The following KCNIP4 variants were observed in gnomAD, a reference collection of about 807,000 sequenced individuals.
KCNIP4 encodes potassium voltage-gated channel interacting protein 4, also known as Kv channel-interacting protein 4.
KCNIP4 carries 12 observed loss-of-function variants against 34.0 expected under a neutral mutation model. That is an observed-to-expected ratio of 0.35 (90% CI 0.23 to 0.57). The LOEUF is 0.57. Ranked by LOEUF, KCNIP4 falls within the 20% of genes least tolerant of loss-of-function variation. The probability of loss-of-function intolerance (pLI) is 0.83; values close to 1 mark genes in which losing one functional copy is unlikely to be tolerated. For missense variants in KCNIP4, 238 were observed against 311.7 expected, an observed-to-expected ratio of 0.76 and a Z score of 1.78; for synonymous variants, 124 against 102.2, an observed-to-expected ratio of 1.21 and a Z score of -1.29.
At chr4:21,563,840 G>A (rs1281028239) in intron 1 of KCNIP4, among the ~76,000 whole-genome samples, 1 of 152,058 alleles carries the variant, frequency 6.6e-6, no homozygotes, top group African/African-American at 2.4e-5. Flanking sequence ...TTAAGTAGGG[G>A]AGGAGATAAT....
intron 1 of KCNIP4, among the ~76,000 whole-genome samples, chr4:21,903,158 C>G (rs1727801001): frequency 6.6e-6 from 1 of 152,088 alleles, no homozygotes; most frequent in South Asian, 2.1e-4. Flanking sequence ...GTGTCTACAA[C>G]ATGTACAGTA....
chr4:21,086,460 G>T (rs562146875), intron 1 of KCNIP4, among the ~76,000 whole-genome samples: 54 of 152,238 alleles, frequency 3.5e-4, no homozygotes, highest in African/African-American at 1.3e-3. Context: ...AAATGTAATT[G>T]CTCCAACAGT....
At chr4:20,989,839 T>G (rs948315468) in intron 1 of KCNIP4, among the ~76,000 whole-genome samples, 2 of 152,056 alleles carry the variant, frequency 1.3e-5, no homozygotes, top group Non-Finnish European at 2.9e-5. Context: ...CATGGTGACA[T>G]GGGCCTGTAG....
chr4:21,282,929 C>T (rs1382872806), intron 1 of KCNIP4, among the ~76,000 whole-genome samples: 7 of 152,152 alleles, frequency 4.6e-5, no homozygotes, highest in African/African-American at 7.2e-5. Flanking sequence ...AAAGTGAGAA[C>T]ACCCAAATCT....
intron 1 of KCNIP4, among the ~76,000 whole-genome samples, chr4:21,462,585 C>T (rs2109779406): frequency 6.6e-6 from 1 of 152,192 alleles, no homozygotes; most frequent in South Asian, 2.1e-4. Context: ...CCCATGGTAG[C>T]CACTATTCAA....
chr4:21,454,910 G>A (rs931868468), intron 1 of KCNIP4, among the ~76,000 whole-genome samples: 3 of 151,956 alleles, frequency 2.0e-5, no homozygotes, highest in Non-Finnish European at 2.9e-5. Context: ...GACAATCCTC[G>A]AGTAGGGCAG....
Position 21,579,267 on chromosome 4 carries a change from T to C in KCNIP4, c.61+369304A>G, listed in dbSNP as rs1384003355. Among the ~76,000 whole-genome samples, 3 of 152,134 alleles carry C rather than the reference T, an allele frequency of 2.0e-5. No individual in the cohort carries two copies. In the South Asian group the frequency reaches 6.2e-4, roughly 31 times the overall value. On this transcript the variant is annotated intron_variant, in intron 1 of 8. Transcript: ENST00000382152. ...AAAAACACACTTAAAGCCACAGTAC[T>C]GTTTGAATAGAACACAAGTACAAGA...
chr4:20,851,012 T>C (rs953252275), intron 2 of KCNIP4, among the ~76,000 whole-genome samples: 1 of 134,404 alleles, frequency 7.4e-6, no homozygotes. Context: ...TATTACTCTA[T>C]AAATCTAACA....
intron 1 of KCNIP4, among the ~76,000 whole-genome samples, chr4:21,925,614 C>G (rs182586206): frequency 6.6e-6 from 1 of 152,134 alleles, no homozygotes; most frequent in Non-Finnish European, 1.5e-5. Flanking sequence ...CTTTTCCCCC[C>G]ACCCTCTATT....
chr4:21,538,292 C>A (rs1047073069), intron 1 of KCNIP4, among the ~76,000 whole-genome samples: 2 of 152,096 alleles, frequency 1.3e-5, no homozygotes, highest in African/African-American at 4.8e-5. Flanking sequence ...TTAAACCACA[C>A]AGTTTGTGAT....
In KCNIP4 at chr4:20,866,382, C is replaced by T. The variant is rs185372027; in HGVS notation, c.164-15715G>A. Among the ~76,000 whole-genome samples the T allele has an allele frequency of 7.4e-3, 1,126 of 152,112 alleles. 11 individuals are homozygous for T. The highest frequency in any genetic ancestry group is 0.026 in the African/African-American group (1,083 of 41,510). On this transcript the variant is annotated intron_variant, in intron 2 of 8. Transcript: ENST00000382152. ...GCAAATCAATAAATGTGATTCACTA[C>T]GTAAACAGAATCAAAAGCTGGAACA... is the stretch of plus-strand genomic sequence containing the variant.
intron 1 of KCNIP4, among the ~76,000 whole-genome samples, chr4:21,586,755 A>G (rs1406323720): frequency 6.6e-6 from 1 of 152,074 alleles, no homozygotes; most frequent in East Asian, 1.9e-4. Flanking sequence ...GTCCATTTAT[A>G]AAAATATGGT....
At chr4:21,216,095 A>G (rs191255855) in intron 1 of KCNIP4, among the ~76,000 whole-genome samples, 86 of 152,236 alleles carry the variant, frequency 5.6e-4, no homozygotes, top group Non-Finnish European at 9.4e-4. Context: ...CCAGCCCAAG[A>G]TATTTTCACA....
chr4:21,343,411 A>G (rs867847279), intron 1 of KCNIP4, among the ~76,000 whole-genome samples: 2 of 152,122 alleles, frequency 1.3e-5, no homozygotes, highest in Non-Finnish European at 1.5e-5. Context: ...TCTATGTACT[A>G]TGTCAACCTC....
intron 1 of KCNIP4, among the ~76,000 whole-genome samples, chr4:21,373,449 G>A (rs1468680001): frequency 6.8e-6 from 1 of 147,562 alleles, no homozygotes; most frequent in African/African-American, 2.7e-5. Flanking sequence ...ACTTACAGAA[G>A]TTTGTGTTGT....
chr4:21,630,350 A>G (rs1477270994), intron 1 of KCNIP4, among the ~76,000 whole-genome samples: 3 of 151,696 alleles, frequency 2.0e-5, no homozygotes, highest in African/African-American at 7.3e-5. Flanking sequence ...CTGTCATCCT[A>G]GCTACTGTGG....
intron 1 of KCNIP4, among the ~76,000 whole-genome samples, chr4:21,446,456 T>A (rs564394077): frequency 6.6e-6 from 1 of 151,836 alleles, no homozygotes; most frequent in African/African-American, 2.4e-5. Flanking sequence ...AAAAAAGGAA[T>A]GAGTTCATGT....
chr4:21,512,750 G>T lies in KCNIP4; in HGVS notation c.61+435821C>A, dbSNP rs530116366. Among the ~76,000 whole-genome samples the T allele has an allele frequency of 3.3e-5, 5 of 152,264 alleles. No individual in the cohort carries two copies. In the South Asian group the frequency reaches 8.3e-4, roughly 25 times the overall value. ...ATGCATTGGCTTAGCTGAAGTTCCCGCAGCATTTAATAGGTAAAATCTATT... is the reference window on the plus strand; with the variant it reads ...ATGCATTGGCTTAGCTGAAGTTCCCTCAGCATTTAATAGGTAAAATCTATT... On this transcript the variant is annotated intron_variant, in intron 1 of 8. Coordinates refer to ENST00000382152, the MANE Select transcript of KCNIP4 (RefSeq NM_025221.6).
At chr4:21,299,706 C>A (rs919053041) in intron 1 of KCNIP4, among the ~76,000 whole-genome samples, 6 of 152,074 alleles carry the variant, frequency 3.9e-5, no homozygotes, top group Non-Finnish European at 2.9e-5. Context: ...CATCTCTGGC[C>A]CCTTGGTCCT....
Sources: allele counts gnomAD v4.1 joint callset (sites outside exome capture counted in the v4.1 genomes callset), GRCh38; gene constraint gnomAD v4.1.1; transcripts MANE v1.5; gene names NCBI Gene and HGNC (gene_info 2026-07-23, HGNC 2026-07-21).